PPP1R15B: variants seen among roughly 807,000 people sequenced by gnomAD.
PPP1R15B encodes protein phosphatase 1, regulatory (inhibitor) subunit 15B.
Under a neutral mutation model 53.9 loss-of-function variants are expected in PPP1R15B, and 31 were observed. That is an observed-to-expected ratio of 0.58 (90% CI 0.43 to 0.78). The LOEUF (loss-of-function observed/expected upper bound fraction) is 0.78. Ranked by LOEUF, PPP1R15B falls within the 30% of genes least tolerant of loss-of-function variation. PPP1R15B has a pLI of 0.00. For synonymous variants in PPP1R15B, 345 were observed against 329.1 expected (o/e 1.05, Z -0.52); for missense variants, 928 against 849.6 (o/e 1.09, Z -1.15).
chr1:204,398,495 C>A (rs148854413), downstream of PPP1R15B, among the ~76,000 whole-genome samples: 1,031 of 152,190 alleles, frequency 6.8e-3, 13 homozygotes, highest in African/African-American at 0.024. Context: ...AAAATCAGTT[C>A]CTTTGTTTGT....
chr1:204,402,100 T>C (rs1186597146), downstream of PPP1R15B, among the ~76,000 whole-genome samples: 41 of 152,322 alleles, frequency 2.7e-4, no homozygotes, highest in Non-Finnish European at 5.9e-5. Context: ...ATGGCAGACA[T>C]GCTTCAATTA....
Position 204,411,176 on chromosome 1 carries a change from T to C in PPP1R15B, c.236A>G (p.Gln79Arg). The stretch of plus-strand genomic sequence containing the variant: ...AAGTTGGCTCCAAATTAGCACCTTC[T>C]GAAGCAATCCGGGGAGCGGCGCAAG... The part of the protein sequence containing the change: ...QLLAPLPGLL[Q>R]KVLIWSQLFG... Residue 79 changes from glutamine (Q) to arginine (R), a missense_variant, in exon 1 of 2, where the codon CAG (glutamine) becomes CGG (arginine). Physicochemically the swap from Gln to Arg is conservative, Grantham distance 43 (BLOSUM62 1). Coordinates refer to ENST00000367188, the MANE Select transcript of PPP1R15B (RefSeq NM_032833.5). 1.2e-6 allele frequency: 2 copies of C among 1,614,208 alleles called. No individual in the cohort carries two copies. The highest frequency in any genetic ancestry group is 2.2e-5 in the East Asian group (1 of 44,882).
Position 204,410,961 on chromosome 1 carries a change from A to G in PPP1R15B, c.451T>C (p.Tyr151His). The G allele has an allele frequency of 6.2e-7, 1 of 1,614,146 alleles. No homozygotes were observed. Among genetic ancestry groups the G allele is most frequent in the South Asian group, 1.1e-5 (1 of 91,076 alleles). Residue 151 changes from tyrosine to histidine, a missense_variant, in exon 1 of 2, where the codon TAC (tyrosine) becomes CAC (histidine). Tyr to His is a moderately conservative substitution (Grantham distance 83, BLOSUM62 2). Transcript: ENST00000367188. ...TCCAATTTTAGGTCTGGGGGCGAGTATTGCCAGTGGATCCCCTCCTCTAGC... is the reference window on the plus strand; with the variant it reads ...TCCAATTTTAGGTCTGGGGGCGAGTGTTGCCAGTGGATCCCCTCCTCTAGC... ...DWLEEGIHWQ[Y>H]SPPDLKLELK...
At chr1:204,399,209 C>T (rs1429009933), downstream of PPP1R15B, among the ~76,000 whole-genome samples, 1 of 152,020 alleles carries the variant, frequency 6.6e-6, no homozygotes, top group Non-Finnish European at 1.5e-5. Flanking sequence ...AGGAGGACTG[C>T]TTGAGGCCAG....
downstream of PPP1R15B, among the ~76,000 whole-genome samples, chr1:204,400,236 C>CG (rs1553289930): frequency 8.1e-6 from 1 of 123,040 alleles, no homozygotes; most frequent in Non-Finnish European, 1.6e-5. Context: ...GACACTGTCT[C>CG]AAAAAAAAAA....
At chr1:204,399,153 C>T (rs539400855), downstream of PPP1R15B, among the ~76,000 whole-genome samples, 16 of 152,298 alleles carry the variant, frequency 1.1e-4, no homozygotes, top group South Asian at 3.3e-3. Context: ...CTTGGCCAGG[C>T]CCAGTGGCTC....
chr1:204,395,865 C>T (rs1674095528), downstream of PPP1R15B, among the ~76,000 whole-genome samples: 1 of 152,150 alleles, frequency 6.6e-6, no homozygotes, highest in Admixed American at 6.6e-5. Context: ...TCATAATAGA[C>T]ACAAATTTAT....
chr1:204,409,819 C>T lies in PPP1R15B; in HGVS notation c.1593G>A (p.Glu531=). 1 of 1,614,164 alleles carries T rather than the reference C, an allele frequency of 6.2e-7. No individual in the cohort carries two copies. The highest frequency in any genetic ancestry group is 1.3e-5 in the African/African-American group (1 of 75,028). Residue 531 remains glutamate (E), a synonymous_variant, in exon 1 of 2, where the codon GAG becomes GAA. Transcript: ENST00000367188. ...ENSSQSGSLP[E]TPEHSSGEED... is the part of the protein sequence containing the mutation. The stretch of plus-strand genomic sequence containing the variant: ...CCTCCCCAGAACTATGCTCAGGGGT[C>T]TCAGGAAGGCTTCCAGACTGGGAGG...
downstream of PPP1R15B, chr1:204,400,686 C>G: frequency 1.1e-6 from 1 of 893,960 alleles, no homozygotes; most frequent in Non-Finnish European, 1.3e-6. Context: ...GCAGTGAGCT[C>G]TGTAGAAAAG....
chr1:204,401,432 G>A (rs1410594115), downstream of PPP1R15B, among the ~76,000 whole-genome samples: 1 of 152,162 alleles, frequency 6.6e-6, no homozygotes, highest in East Asian at 1.9e-4. Context: ...GCTAACCTGT[G>A]TATCATTAAA....
In PPP1R15B at chr1:204,410,099, T is replaced by A. The variant is rs771313174; in HGVS notation, c.1313A>T (p.Glu438Val). The A allele has an allele frequency of 6.2e-7, 1 of 1,614,170 alleles. No homozygotes were observed. The highest frequency in any genetic ancestry group is 1.1e-5 in the South Asian group (1 of 91,078). Residue 438 changes from glutamate (E) to valine (V), a missense_variant, in exon 1 of 2, where the codon GAA becomes GTA. Glu to Val is a moderately radical substitution (Grantham distance 121). Coordinates refer to ENST00000367188, the MANE Select transcript of PPP1R15B (RefSeq NM_032833.5). ...YILGGASSDL[E>V]TSSDPEGEDW... is the part of the protein sequence containing the mutation. ...CTCACCTTCTGGATCAGAACTTGTT[T>A]CCAGGTCACTGGATGCACCTCCCAA... is the stretch of plus-strand genomic sequence containing the variant.
In PPP1R15B at chr1:204,406,243, T is replaced by A; in HGVS notation, c.1991A>T (p.Glu664Val). The stretch of plus-strand genomic sequence containing the variant: ...GAACCTGCATCCATCCCTTGCAAAT[T>A]CTTCCCATGGTCCTTTGCGATCCTC... ...GDEDRKGPWEEFARDGCRFQK... is the reference protein window; with the variant it reads ...GDEDRKGPWEVFARDGCRFQK... Residue 664 changes from glutamate to valine, a missense_variant, in exon 2 of 2, where the codon GAA (glutamate) becomes GTA (valine). Coordinates refer to ENST00000367188, the MANE Select transcript of PPP1R15B (RefSeq NM_032833.5). 1.9e-6 allele frequency: 3 copies of A among 1,614,202 alleles called. No homozygotes were observed. Among genetic ancestry groups the A allele is most frequent in the Non-Finnish European group, 2.5e-6 (3 of 1,180,030 alleles).
At chr1:204,401,709 A>G (rs955325082), downstream of PPP1R15B, among the ~76,000 whole-genome samples, 1 of 152,192 alleles carries the variant, frequency 6.6e-6, no homozygotes, top group African/African-American at 2.4e-5. Context: ...GTAACTATCT[A>G]AATTTCTGAG....
chr1:204,411,234 C>T lies in PPP1R15B; in HGVS notation c.178G>A (p.Val60Ile). 6.2e-7 allele frequency: 1 copy of T among 1,614,230 alleles called. No individual in the cohort carries two copies. Among genetic ancestry groups the T allele is most frequent in the Admixed American group, 1.7e-5 (1 of 60,030 alleles). Reference protein sequence around the residue: ...LLSSAQPETRVSYWTKLLSQL... With the variant: ...LLSSAQPETRISYWTKLLSQL... ...GAGAGCAGTTTCGTCCAGTAACTGA[C>T]CCGAGTCTCGGGCTGGGCAGAGGAA... The change falls in exon 1 of 2, where the codon GTC (valine) becomes ATC (isoleucine). Residue 60 changes from valine (V) to isoleucine (I), a missense_variant. Val to Ile is a conservative substitution (Grantham distance 29). Coordinates refer to ENST00000367188, the MANE Select transcript of PPP1R15B (RefSeq NM_032833.5).
downstream of PPP1R15B, among the ~76,000 whole-genome samples, chr1:204,399,873 A>C (rs1674148334): frequency 6.6e-6 from 1 of 152,164 alleles, no homozygotes. Flanking sequence ...AAAAACACCC[A>C]CTTCAGAACA....
chr1:204,406,415 CTAAGAA>C, intron 1 of PPP1R15B, 102 bp from the exon 2 acceptor site: 1 of 1,384,766 alleles, frequency 7.2e-7, no homozygotes, highest in Non-Finnish European at 9.7e-7. Context: ...ATATTCCCAA[CTAAGAA>C]TAACATATTA....
At chr1:204,400,870 GAAGTATAA>G (rs1674168917), downstream of PPP1R15B, 1 of 277,204 alleles carries the variant, frequency 3.6e-6, no homozygotes, top group Non-Finnish European at 5.5e-6. Context: ...GATAAAGGGG[GAAGTATAA>G]AAGATTACAA....
Position 204,405,431 on chromosome 1 carries a change from T to C in PPP1R15B, c.*661A>G, listed in dbSNP as rs1189694398. ...CCAAAGTAGTAAAGTACTGCACATATGGGTTTTGTGGCAGTCCTTGGAAAT... is the reference window on the plus strand; with the variant it reads ...CCAAAGTAGTAAAGTACTGCACATACGGGTTTTGTGGCAGTCCTTGGAAAT... On this transcript the variant is annotated 3_prime_UTR_variant, in exon 2 of 2. Transcript: ENST00000367188. 3.0e-6 allele frequency: 3 copies of C among 984,816 alleles called. No homozygotes were observed. The African/African-American group carries it at 5.2e-5, about 17-fold the overall frequency. The allele number at this position is 984,816 out of a possible 1,614,324, so 61.0% of individuals were successfully genotyped here.
chr1:204,411,154 T>G lies in PPP1R15B; in HGVS notation c.258A>C (p.Gln86His). The G allele has an allele frequency of 1.2e-6, 2 of 1,614,184 alleles. No homozygotes were observed. The highest frequency in any genetic ancestry group is 1.1e-5 in the South Asian group (1 of 91,084). Residue 86 changes from glutamine (Q) to histidine (H), a missense_variant, in exon 1 of 2, where the codon CAA (glutamine) becomes CAC (histidine). Physicochemically the swap from Gln to His is conservative, Grantham distance 24. Coordinates refer to ENST00000367188, the MANE Select transcript of PPP1R15B (RefSeq NM_032833.5). ...TGGTCGGAAACATTCCACCGAAAAG[T>G]TGGCTCCAAATTAGCACCTTCTGAA... ...GLLQKVLIWS[Q>H]LFGGMFPTRW... is the part of the protein sequence containing the mutation.
Sources: gnomAD v4.1 joint callset for allele counts (sites outside exome capture counted in the v4.1 genomes callset) on GRCh38, gnomAD v4.1.1 for gene constraint, MANE v1.5 for transcripts, NCBI Gene and HGNC (gene_info 2026-07-23, HGNC 2026-07-21) for gene names.